Variants in CDK12 observed in about 807,000 individuals in gnomAD.
The protein encoded by CDK12 is cyclin-dependent kinase 12.
Under a neutral mutation model 133.8 loss-of-function variants are expected in CDK12, and 17 were observed. The observed-to-expected ratio is 0.13, with a 90% CI of 0.09 to 0.19. The LOEUF (loss-of-function observed/expected upper bound fraction) is 0.19, where lower values mean the gene tolerates loss of function less well. CDK12 is among the 10% of genes least tolerant of loss of function. The probability of loss-of-function intolerance (pLI) is 1.00; values close to 1 mark genes in which losing one functional copy is unlikely to be tolerated. For synonymous variants in CDK12, 694 were observed against 683.6 expected, an observed-to-expected ratio of 1.02 and a Z score of -0.24; for missense variants, 1,508 against 1,818.7, an observed-to-expected ratio of 0.83 and a Z score of 3.11.
intron 11 of CDK12, 91 bp downstream of exon 11, chr17:39,520,178 G>T: frequency 7.3e-7 from 1 of 1,372,374 alleles, no homozygotes; most frequent in South Asian, 1.3e-5. Context: ...TGCCCAGTAA[G>T]ACCCAAATGA....
intron 2 of CDK12, among the ~76,000 whole-genome samples, chr17:39,487,856 C>G (rs866932429): frequency 5.1e-4 from 77 of 152,162 alleles, no homozygotes; most frequent in Admixed American, 5.9e-4. Flanking sequence ...CTCAACTGAT[C>G]CGCCTGCCTT....
chr17:39,535,563 T>G (rs1345916480), downstream of CDK12, among the ~76,000 whole-genome samples: 1 of 152,164 alleles, frequency 6.6e-6, no homozygotes, highest in African/African-American at 2.4e-5. Context: ...TTTCACTTCA[T>G]AGCAGTGAAA....
chr17:39,467,385 T>G (rs1398169720), intron 1 of CDK12, among the ~76,000 whole-genome samples: 1 of 152,118 alleles, frequency 6.6e-6, no homozygotes, highest in East Asian at 1.9e-4. Context: ...CTTAATTCGG[T>G]GAGTGGGGGG....
Position 39,462,440 on chromosome 17 carries a change from A to G in CDK12, c.369A>G (p.Leu123=), listed in dbSNP as rs1478139103. Reference sequence around the variant, plus strand: ...AGCACAGGCGTTCCCGGGACTTACTAAAAGCTAAACAGACCGAAAAAGAAA... The same window carrying G: ...AGCACAGGCGTTCCCGGGACTTACTGAAAGCTAAACAGACCGAAAAAGAAA... ...HHQHRRSRDL[L]KAKQTEKEKS... Residue 123 remains leucine (L), a synonymous_variant, in exon 1 of 14, where the codon CTA becomes CTG. Transcript: ENST00000447079. 1.1e-5 allele frequency: 17 copies of G among 1,614,020 alleles called. No homozygotes were observed. Among genetic ancestry groups the G allele is most frequent in the Non-Finnish European group, 1.2e-5 (14 of 1,180,038 alleles).
intron 6 of CDK12, among the ~76,000 whole-genome samples, chr17:39,507,361 CGG>C (rs2053202525): frequency 6.6e-6 from 1 of 150,484 alleles, no homozygotes; most frequent in African/African-American, 2.4e-5. Flanking sequence ...CCGAGGCAGG[CGG>C]ATCACCTGAG....
chr17:39,498,470 G>A lies in CDK12; in HGVS notation c.2420-2780G>A, dbSNP rs535323599. 1.2e-3 allele frequency among the ~76,000 whole-genome samples: 189 copies of A among 152,208 alleles called. 1 individual carries two copies. Among genetic ancestry groups the A allele is most frequent in the African/African-American group, 4.5e-3 (185 of 41,542 alleles). Reference sequence around the variant, plus strand: ...ACTCCTGACCTCAAGTGATCCACCCGCCTCGGCCTCCCAAAGTGCTGGGAT... The same window carrying A: ...ACTCCTGACCTCAAGTGATCCACCCACCTCGGCCTCCCAAAGTGCTGGGAT... On this transcript the variant is annotated intron_variant, in intron 5 of 13. Transcript: ENST00000447079.
chr17:39,542,714 T>G (rs868659181), intron 1 of CDK12, among the ~76,000 whole-genome samples: 7 of 152,080 alleles, frequency 4.6e-5, no homozygotes, highest in Middle Eastern at 3.4e-3. Flanking sequence ...TTCACCATGT[T>G]GGTCAGGCTG....
At chr17:39,502,683 T>TC (rs1017979191) in intron 6 of CDK12, among the ~76,000 whole-genome samples, 4 of 152,204 alleles carry the variant, frequency 2.6e-5, no homozygotes, top group Non-Finnish European at 5.9e-5. Flanking sequence ...CAATTTTTTT[T>TC]CACTTTGAAT....
chr17:39,555,828 TA>T (rs2056135223), intron 2 of CDK12, among the ~76,000 whole-genome samples: 1 of 108,666 alleles, frequency 9.2e-6, no homozygotes, highest in Non-Finnish European at 1.8e-5. Context: ...ACCTCATCTC[TA>T]CACACACACA....
At chr17:39,489,588 AT>A (rs2051415158) in intron 2 of CDK12, among the ~76,000 whole-genome samples, 1 of 146,000 alleles carries the variant, frequency 6.8e-6, no homozygotes, top group East Asian at 2.1e-4. Context: ...CACTGGAACG[AT>A]TCAAGCAATT....
intron 3 of CDK12, among the ~76,000 whole-genome samples, chr17:39,491,487 T>G (rs1383350283): frequency 6.6e-6 from 1 of 152,028 alleles, no homozygotes; most frequent in East Asian, 1.9e-4. Flanking sequence ...TCCACCGCCT[T>G]GGCCTCCCAA....
chr17:39,527,000 C>T (rs948339417), intron 13 of CDK12, among the ~76,000 whole-genome samples: 1 of 152,178 alleles, frequency 6.6e-6, no homozygotes, highest in Non-Finnish European at 1.5e-5. Context: ...ATGACCATAG[C>T]GTGCAATTTA....
rs957728993 is a variant in CDK12 at position 39,534,333 on chromosome 17, T to TGA, written c.*3024_*3025dup. ...TGCTAAAATGGTTACCAGCAGGTTTTGAGAGAGAATGCTGCATCAGAAAAG... is the reference window on the plus strand; with the variant it reads ...TGCTAAAATGGTTACCAGCAGGTTTTGAGAGAGAGAATGCTGCATCAGAAAAG... On this transcript the variant is annotated 3_prime_UTR_variant, in exon 14 of 14. Coordinates refer to ENST00000447079, the MANE Select transcript of CDK12 (RefSeq NM_016507.4). The TGA allele has an allele frequency of 1.3e-5, 3 of 232,996 alleles. No homozygotes were observed. Among genetic ancestry groups the TGA allele is most frequent in the Admixed American group, 5.6e-5 (1 of 17,780 alleles). The allele number at this position is 232,996 out of a possible 1,614,324, so 14.4% of individuals were successfully genotyped here. A position where few individuals can be genotyped will look rare whatever the true frequency, so the allele number is the denominator to read the frequency against.
intron 3 of CDK12, among the ~76,000 whole-genome samples, chr17:39,560,044 G>C (rs2056320602): frequency 6.6e-6 from 1 of 152,136 alleles, no homozygotes; most frequent in African/African-American, 2.4e-5. Context: ...CAGTGTTTCT[G>C]CCTTAGACTC....
chr17:39,539,365 TTTTTG>T (rs1317953517), downstream of CDK12, among the ~76,000 whole-genome samples: 1 of 152,214 alleles, frequency 6.6e-6, no homozygotes, highest in Non-Finnish European at 1.5e-5. Context: ...TGTACTTGTT[TTTTTG>T]TTTTGTTTTG....
intron 2 of CDK12, among the ~76,000 whole-genome samples, chr17:39,481,001 C>T (rs1221907749): frequency 1.3e-5 from 2 of 152,080 alleles, no homozygotes; most frequent in Non-Finnish European, 2.9e-5. Context: ...CGCCTGTAAT[C>T]CCAGCACTTT....
intron 11 of CDK12, among the ~76,000 whole-genome samples, chr17:39,523,080 A>G (rs1412063086): frequency 6.6e-6 from 1 of 152,122 alleles, no homozygotes; most frequent in Admixed American, 6.5e-5. Flanking sequence ...TAAAAGAAAT[A>G]TGATCTTTTA....
chr17:39,478,048 T>A (rs1459004089), intron 2 of CDK12, among the ~76,000 whole-genome samples: 1 of 149,112 alleles, frequency 6.7e-6, no homozygotes, highest in Non-Finnish European at 1.5e-5. Context: ...TTTTTAGCCA[T>A]CTCCTCCTCC....
intron 1 of CDK12, among the ~76,000 whole-genome samples, chr17:39,467,257 A>G (rs2049409880): frequency 6.6e-6 from 1 of 152,138 alleles, no homozygotes; most frequent in African/African-American, 2.4e-5. Context: ...GATTACAGGC[A>G]TGAGCCACCA....
Sources: gnomAD v4.1 joint callset for allele counts (sites outside exome capture counted in the v4.1 genomes callset) on GRCh38, gnomAD v4.1.1 for gene constraint, MANE v1.5 for transcripts, NCBI Gene and HGNC (gene_info 2026-07-23, HGNC 2026-07-21) for gene names.